Variants in ACTN4 observed in about 807,000 individuals in gnomAD.
The protein encoded by ACTN4 is alpha-actinin-4.
A neutral mutation model predicts 114.2 loss-of-function variants in ACTN4; 18 were observed. The observed-to-expected ratio is 0.16, with a 90% CI of 0.11 to 0.23. The LOEUF is 0.23. Ranked by LOEUF, ACTN4 falls within the 10% of genes least tolerant of loss-of-function variation. The pLI is 1.00. For missense variants in ACTN4, 722 were observed against 1,262.9 expected (o/e 0.57, Z 6.49); for synonymous variants, 515 against 506.3 (o/e 1.02, Z -0.23).
intron 1 of ACTN4, among the ~76,000 whole-genome samples, chr19:38,661,177 C>T (rs1976875568): frequency 6.6e-6 from 1 of 152,162 alleles, no homozygotes; most frequent in Non-Finnish European, 1.5e-5. Context: ...AACTCAGTCC[C>T]TCTTAGATGC....
chr19:38,720,153 T>TGGGC (rs1171636120), intron 11 of ACTN4, among the ~76,000 whole-genome samples: 1 of 151,846 alleles, frequency 6.6e-6, no homozygotes, highest in East Asian at 1.9e-4. Flanking sequence ...CTGGGGTGGG[T>TGGGC]GGGCCACCTT....
Position 38,701,024 on chromosome 19 carries a change from G to A in ACTN4, c.300G>A (p.Glu100=), listed in dbSNP as rs746770325. The change falls in exon 3 of 21, where the codon GAG becomes GAA. Residue 100 remains glutamate (E), a synonymous_variant. Coordinates refer to ENST00000252699, the MANE Select transcript of ACTN4 (RefSeq NM_004924.6). ...CAGGGGAGCGGTTACCTAAGCCGGAGCGGGGGAAGATGAGAGTGCACAAAA... is the reference window on the plus strand; with the variant it reads ...CAGGGGAGCGGTTACCTAAGCCGGAACGGGGGAAGATGAGAGTGCACAAAA... ...VISGERLPKP[E]RGKMRVHKIN... The A allele has an allele frequency of 4.3e-6, 7 of 1,614,088 alleles. 1 individual carries two copies. The South Asian group carries it at 7.7e-5, about 18-fold the overall frequency.
rs1969397319 is a variant in ACTN4 at position 38,729,449 on chromosome 19, C to G, written c.*17C>G. ...GACCTGTGAGGCCCCAGAGACCTGA[C>G]CCAACACCCCCGACGGCCTCCAGGA... is the stretch of plus-strand genomic sequence containing the variant. On this transcript the variant is annotated 3_prime_UTR_variant, in exon 21 of 21. Coordinates refer to ENST00000252699, the MANE Select transcript of ACTN4 (RefSeq NM_004924.6). 11 of 1,612,570 alleles carry G rather than the reference C, an allele frequency of 6.8e-6. No homozygotes were observed. The highest frequency in any genetic ancestry group is 1.7e-4 in the Middle Eastern group (1 of 6,052).
chr19:38,727,710 G>T lies in ACTN4; in HGVS notation c.2338-236G>T. On this transcript the variant is annotated intron_variant, in intron 18 of 20. Coordinates refer to ENST00000252699, the MANE Select transcript of ACTN4 (RefSeq NM_004924.6). This position sits in a 1 kb window ranked among gnomAD's most constrained non-coding sequence, Gnocchi z 5.4. ...CTGCCACCCCTGCTGTGGGCAGAGA[G>T]GTCGGGGAGGCCTCTGCCTTCCTTT... 1.7e-6 allele frequency: 1 copy of T among 574,510 alleles called. No individual in the cohort carries two copies. The highest frequency in any genetic ancestry group is 3.1e-6 in the Non-Finnish European group (1 of 318,910). The allele number at this position is 574,510 out of a possible 1,614,324, so 35.6% of individuals were successfully genotyped here. A position where few individuals can be genotyped will look rare whatever the true frequency, so the allele number is the denominator to read the frequency against.
intron 3 of ACTN4, among the ~76,000 whole-genome samples, chr19:38,703,762 C>T (rs545941376): frequency 6.6e-6 from 1 of 152,158 alleles, no homozygotes; most frequent in East Asian, 1.9e-4. Context: ...TGCCTTGGGG[C>T]AGCACAGGGG....
intron 11 of ACTN4, among the ~76,000 whole-genome samples, chr19:38,720,548 G>A (rs758357456): frequency 3.0e-4 from 46 of 152,264 alleles, no homozygotes; most frequent in Non-Finnish European, 5.1e-4. Context: ...TGCCAGAGCC[G>A]ATCCTGTGGG....
chr19:38,694,172 A>C (rs889819809), intron 1 of ACTN4, among the ~76,000 whole-genome samples: 1 of 151,834 alleles, frequency 6.6e-6, no homozygotes, highest in African/African-American at 2.4e-5. Context: ...ACCTTTTGCG[A>C]AGCGGGTGAT....
rs75920199 is a variant in ACTN4 at position 38,680,212 on chromosome 19, G to GTTTTT, written c.163-20359_163-20355dup. On this transcript the variant is annotated intron_variant, in intron 1 of 20. Transcript: ENST00000252699. ...CCTGTCCATAGCTGGAGCTCAGGAA[G>GTTTTT]TTTTTTTTTTTTTTTTTTTTTTTTT... Among the ~76,000 whole-genome samples the GTTTTT allele has an allele frequency of 1.7e-4, 21 of 124,328 alleles. No individual in the cohort carries two copies. In the East Asian group the frequency reaches 3.0e-3, roughly 18 times the overall value. 81.6% of individuals were successfully genotyped at this position (124,328 alleles called of 152,430 possible). A position where few individuals can be genotyped will look rare whatever the true frequency, so the allele number is the denominator to read the frequency against.
rs1003901844 is a variant in ACTN4 at position 38,714,394 on chromosome 19, G to A, written c.820-75G>A. The A allele has an allele frequency of 2.2e-6, 3 of 1,391,498 alleles. No individual in the cohort carries two copies. The African/African-American group carries it at 4.3e-5, about 20-fold the overall frequency. The allele number at this position is 1,391,498 out of a possible 1,614,324, so 86.2% of individuals were successfully genotyped here. ...GAGTTCCGTGGGCCATGGACCAGCT[G>A]CTTTCAAGGGACGTGCCCGTCAGGA... is the stretch of plus-strand genomic sequence containing the variant. On this transcript the variant is annotated intron_variant, in intron 8 of 20. Coordinates refer to ENST00000252699, the MANE Select transcript of ACTN4 (RefSeq NM_004924.6).
At chr19:38,705,954 C>A in intron 4 of ACTN4, 90 bp from the exon 5 acceptor site, 1 of 1,363,654 alleles carries the variant, frequency 7.3e-7, no homozygotes, top group Non-Finnish European at 1.0e-6. Context: ...CGTTTGACCC[C>A]AGGCCTGAGC....
intron 1 of ACTN4, among the ~76,000 whole-genome samples, chr19:38,685,625 G>A (rs1008541376): frequency 6.6e-6 from 1 of 152,122 alleles, no homozygotes; most frequent in Non-Finnish European, 1.5e-5. Flanking sequence ...TCGTACCCTG[G>A]GTTCAGAGAG....
chr19:38,679,568 C>CGTGTGTGTGTGTGTGTGTGTGT lies in ACTN4; in HGVS notation c.163-21021_163-21000dup, dbSNP rs10583743. Among the ~76,000 whole-genome samples the CGTGTGTGTGTGTGTGTGTGTGT allele has an allele frequency of 9.9e-4, 144 of 145,518 alleles. 1 individual carries two copies. Among genetic ancestry groups the CGTGTGTGTGTGTGTGTGTGTGT allele is most frequent in the Non-Finnish European group, 1.4e-3 (95 of 66,544 alleles). On this transcript the variant is annotated intron_variant, in intron 1 of 20. Transcript: ENST00000252699. Reference sequence around the variant, plus strand: ...ACGTGCTCAAATAGATTTGGGTGTGCGTGTGTGTGTGTGTGTGTGTGTGTG... The same window carrying CGTGTGTGTGTGTGTGTGTGTGT: ...ACGTGCTCAAATAGATTTGGGTGTGCGTGTGTGTGTGTGTGTGTGTGTGTGTGTGTGTGTGTGTGTGTGTGTG...
At chr19:38,673,683 T>TC in intron 1 of ACTN4, among the ~76,000 whole-genome samples, 2 of 107,826 alleles carry the variant, frequency 1.9e-5, no homozygotes, top group African/African-American at 8.1e-5. Flanking sequence ...TTTATATATT[T>TC]ATATATATTA....
chr19:38,706,095 C>G lies in ACTN4; in HGVS notation c.536C>G (p.Pro179Arg), dbSNP rs149027682. ...CTCTGGTGCCAGAGAAAGACAGCCCCGTATAAGAACGTCAATGTGCAGAAC... is the reference window on the plus strand; with the variant it reads ...CTCTGGTGCCAGAGAAAGACAGCCCGGTATAAGAACGTCAATGTGCAGAAC... ...LLLWCQRKTA[P>R]YKNVNVQNFH... The change falls in exon 5 of 21, where the codon CCG (proline) becomes CGG (arginine). Residue 179 changes from proline to arginine, a missense_variant. Around this residue, in one of 3 missense-constraint regions of ACTN4, gnomAD observed 127 missense variants for 311.3 expected, o/e 0.41. Transcript: ENST00000252699. The G allele has an allele frequency of 6.2e-7, 1 of 1,614,132 alleles. No individual in the cohort carries two copies. The highest frequency in any genetic ancestry group is 2.2e-5 in the East Asian group (1 of 44,884).
Position 38,708,196 on chromosome 19 carries a change from G to A in ACTN4, c.651+1G>A. On this transcript the variant is annotated splice_donor_variant, in intron 6 of 20. Coordinates refer to ENST00000252699, the MANE Select transcript of ACTN4 (RefSeq NM_004924.6). LOFTEE classifies it high-confidence loss of function. ...GATTGAGTATGACAAGCTGAGGAAG[G>A]TGAGTGTCTCCAGCTCCCCTTGATG... is the stretch of plus-strand genomic sequence containing the variant. 6.2e-7 allele frequency: 1 copy of A among 1,614,162 alleles called. No individual in the cohort carries two copies. The highest frequency in any genetic ancestry group is 8.5e-7 in the Non-Finnish European group (1 of 1,180,034).
At chr19:38,674,767 C>T (rs34558140) in intron 1 of ACTN4, among the ~76,000 whole-genome samples, 8,893 of 152,278 alleles carry the variant, frequency 0.058, 283 homozygotes, top group South Asian at 0.11. Context: ...TTACCTCTGA[C>T]TTCGTGTCCC....
chr19:38,700,779 A>G, intron 2 of ACTN4, 65 bp downstream of exon 2: 1 of 1,496,800 alleles, frequency 6.7e-7, no homozygotes, highest in South Asian at 1.1e-5. Context: ...AGCGGTCCCC[A>G]GAGACCCTGC....
intron 12 of ACTN4, among the ~76,000 whole-genome samples, chr19:38,723,252 C>A (rs938071432): frequency 6.6e-6 from 1 of 152,182 alleles, no homozygotes; most frequent in East Asian, 1.9e-4. Context: ...TCCTGTTCCT[C>A]CCCAGAGTCG....
At chr19:38,685,295 C>T (rs575283755) in intron 1 of ACTN4, among the ~76,000 whole-genome samples, 2 of 152,324 alleles carry the variant, frequency 1.3e-5, no homozygotes, top group East Asian at 3.9e-4. Flanking sequence ...GGAGCCAACA[C>T]CCACTCACAG....
Sources: allele counts gnomAD v4.1 joint callset (sites outside exome capture counted in the v4.1 genomes callset), GRCh38; gene constraint gnomAD v4.1.1; regional missense constraint gnomAD v4.1.1; non-coding constraint Gnocchi (gnomAD v3.1); transcripts MANE v1.5; gene names NCBI Gene and HGNC (gene_info 2026-07-23, HGNC 2026-07-21).